The following SMARCD3 variants were observed in gnomAD, a reference collection of about 807,000 sequenced individuals.
The protein encoded by SMARCD3 is SWI/SNF-related matrix-associated actin-dependent regulator of chromatin subfamily D member 3.
A neutral mutation model predicts 58.0 loss-of-function variants in SMARCD3; 14 were observed. That is an observed-to-expected ratio of 0.24 (90% CI 0.16 to 0.38). The LOEUF (loss-of-function observed/expected upper bound fraction) is 0.38, where lower values mean the gene tolerates loss of function less well. Among genes scored for constraint, SMARCD3 ranks in the 10% least tolerant of loss-of-function variants. SMARCD3 has a pLI of 1.00. For missense variants in SMARCD3, 408 were observed against 636.9 expected (o/e 0.64, Z 3.87); for synonymous variants, 253 against 253.8 (o/e 1.00, Z 0.03).
intron 2 of SMARCD3, among the ~76,000 whole-genome samples, chr7:151,267,432 T>A (rs1458881696): frequency 6.6e-6 from 1 of 152,230 alleles, no homozygotes; most frequent in Admixed American, 6.5e-5. Context: ...TGAGTCACTA[T>A]CTGACTGCTC....
At chr7:151,244,628 C>T (rs1243711338) in intron 2 of SMARCD3, among the ~76,000 whole-genome samples, 2 of 152,164 alleles carry the variant, frequency 1.3e-5, no homozygotes, top group Non-Finnish European at 2.9e-5. Flanking sequence ...AGGGAATTAC[C>T]ATTTGCTGTA....
At chr7:151,240,646 A>G (rs1802936458) in intron 8 of SMARCD3, 124 bp from the exon 9 acceptor site, 1 of 494,982 alleles carries the variant, frequency 2.0e-6, no homozygotes, top group African/African-American at 2.0e-5. Context: ...CTCAGTGCGC[A>G]TGGGGATGGG....
Position 151,271,485 on chromosome 7 carries a change from G to A in SMARCD3, c.39+3629C>T, listed in dbSNP as rs538267801. On this transcript the variant is annotated intron_variant, in intron 2 of 13. Transcript: ENST00000356800. ...GGACCTGTGGGGAAAGACCAGGACT[G>A]GTCCCTCCTCATACCCAAACTCACC... is the stretch of plus-strand genomic sequence containing the variant. Among the ~76,000 whole-genome samples, 5 of 152,092 alleles carry A rather than the reference G, an allele frequency of 3.3e-5. No individual in the cohort carries two copies. In the South Asian group the frequency reaches 1.0e-3, roughly 32 times the overall value.
In SMARCD3 at chr7:151,246,433, C is replaced by T. The variant is rs1803269967; in HGVS notation, c.79-762G>A. On this transcript the variant is annotated intron_variant, in intron 1 of 12. Transcript: ENST00000262188. The surrounding 1 kb of genome is among the most constrained non-coding windows in gnomAD (Gnocchi z 4.4). The stretch of plus-strand genomic sequence containing the variant: ...GGGTGAGGGCTGGAGGCAGGGCAGG[C>T]AAGGGCAGCCTGCTGGGGCGCCCCA... Among the ~76,000 whole-genome samples the T allele has an allele frequency of 6.6e-6, 1 of 152,140 alleles. No individual in the cohort carries two copies. Among genetic ancestry groups the T allele is most frequent in the Non-Finnish European group, 1.5e-5 (1 of 68,010 alleles).
intron 2 of SMARCD3, among the ~76,000 whole-genome samples, chr7:151,269,777 G>A (rs959283088): frequency 2.0e-5 from 3 of 152,206 alleles, no homozygotes; most frequent in African/African-American, 4.8e-5. Flanking sequence ...GGCGAGGGGC[G>A]CTCGGTGAAC....
In SMARCD3 at chr7:151,239,889, C is replaced by G. The variant is rs184225452; in HGVS notation, c.1174-143G>C. The G allele has an allele frequency of 9.9e-7, 1 of 1,014,898 alleles. No homozygotes were observed. The highest frequency in any genetic ancestry group is 1.6e-5 in the African/African-American group (1 of 62,380). 62.9% of individuals were successfully genotyped at this position (1,014,898 alleles called of 1,614,324 possible). ...AGAGCCCCTGATTTCTCTGAAGTCCCAGGGGAGGAGGGGATGGGCAGAACT... is the reference window on the plus strand; with the variant it reads ...AGAGCCCCTGATTTCTCTGAAGTCCGAGGGGAGGAGGGGATGGGCAGAACT... On this transcript the variant is annotated intron_variant, in intron 10 of 12. Transcript: ENST00000262188. The surrounding 1 kb of genome is among the most constrained non-coding windows in gnomAD (Gnocchi z 7.0).
intron 2 of SMARCD3, among the ~76,000 whole-genome samples, chr7:151,260,670 T>G (rs1271888519): frequency 6.6e-6 from 1 of 152,152 alleles, no homozygotes; most frequent in Non-Finnish European, 1.5e-5. Flanking sequence ...AACATGTCGT[T>G]ACCCCGACAT....
chr7:151,242,641 T>C lies in SMARCD3; in HGVS notation c.457-38A>G, dbSNP rs768172179. The C allele has an allele frequency of 5.5e-5, 88 of 1,612,094 alleles. No homozygotes were observed. Among genetic ancestry groups the C allele is most frequent in the Non-Finnish European group, 7.1e-5 (84 of 1,178,364 alleles). ...AGTGCAGAACCGGGCGAATGCTGTG[T>C]GCTCCCACCCCGACCACCCTGCTTC... is the stretch of plus-strand genomic sequence containing the variant. On this transcript the variant is annotated intron_variant, in intron 4 of 12. Transcript: ENST00000262188. This position sits in a 1 kb window ranked among gnomAD's most constrained non-coding sequence, Gnocchi z 4.7.
In SMARCD3 at chr7:151,270,008, T is replaced by C. The variant is rs111815585; in HGVS notation, c.39+5106A>G. Among the ~76,000 whole-genome samples, 11 of 152,130 alleles carry C rather than the reference T, an allele frequency of 7.2e-5. 2 individuals are homozygous for C. The highest frequency in any genetic ancestry group is 2.0e-4 in the Admixed American group (3 of 15,292). On this transcript the variant is annotated intron_variant, in intron 2 of 13. Coordinates refer to the SMARCD3 transcript ENST00000356800. ...AGCGCTCCCCAGGGGGCACGAAGGC[T>C]GGGAATATTTGAAAGAGCCAGAGCT...
Position 151,248,494 on chromosome 7 carries a change from G to C in SMARCD3, c.69C>G (p.Val23=), listed in dbSNP as rs769144860. 1.9e-6 allele frequency: 3 copies of C among 1,612,012 alleles called. No homozygotes were observed. The highest frequency in any genetic ancestry group is 2.5e-6 in the Non-Finnish European group (3 of 1,178,714). ...ATKSKLFEFL[V]HGVRPGMPSG... is the part of the protein sequence containing the mutation. The stretch of plus-strand genomic sequence containing the variant: ...ACTTTCCCCCACTCACCACCCCATG[G>C]ACCAGAAACTCAAAAAGTTTGCTTT... The change falls in exon 1 of 13, where the codon GTC becomes GTG. Residue 23 remains valine, a synonymous_variant. Coordinates refer to ENST00000262188, the MANE Select transcript of SMARCD3 (RefSeq NM_001003801.2). This position sits in a 1 kb window ranked among gnomAD's most constrained non-coding sequence, Gnocchi z 6.1.
Position 151,239,879 on chromosome 7 carries a change from T to A in SMARCD3, c.1174-133A>T. ...ACAACCCCTCAGAGCCCCTGATTTC[T>A]CTGAAGTCCCAGGGGAGGAGGGGAT... is the stretch of plus-strand genomic sequence containing the variant. On this transcript the variant is annotated intron_variant, in intron 10 of 12. Transcript: ENST00000262188. This position sits in a 1 kb window ranked among gnomAD's most constrained non-coding sequence, Gnocchi z 7.0. 9.5e-7 allele frequency: 1 copy of A among 1,056,388 alleles called. No homozygotes were observed. Among genetic ancestry groups the A allele is most frequent in the Non-Finnish European group, 1.4e-6 (1 of 728,110 alleles). 65.4% of individuals were successfully genotyped at this position (1,056,388 alleles called of 1,614,324 possible).
In SMARCD3 at chr7:151,241,773, G is replaced by C; in HGVS notation, c.777+104C>G. On this transcript the variant is annotated intron_variant, in intron 7 of 12. Coordinates refer to ENST00000262188, the MANE Select transcript of SMARCD3 (RefSeq NM_001003801.2). This position sits in a 1 kb window ranked among gnomAD's most constrained non-coding sequence, Gnocchi z 5.3. ...GGAAACATGCCCCTGGGGAAGGATA[G>C]GTTTGGGAGGGGAAGGAGGTCTCTC... 7.3e-7 allele frequency: 1 copy of C among 1,378,346 alleles called. No individual in the cohort carries two copies. The highest frequency in any genetic ancestry group is 1.0e-6 in the Non-Finnish European group (1 of 985,484). 85.4% of individuals were successfully genotyped at this position (1,378,346 alleles called of 1,614,324 possible). A position where few individuals can be genotyped will look rare whatever the true frequency, so the allele number is the denominator to read the frequency against.
upstream of SMARCD3, among the ~76,000 whole-genome samples, chr7:151,253,009 C>T (rs1461946495): frequency 2.0e-5 from 3 of 152,210 alleles, no homozygotes; most frequent in Non-Finnish European, 4.4e-5. Context: ...TTGGGCAAGT[C>T]GCTGTACCTC....
At chr7:151,240,303 C>A (rs1410831336) in intron 9 of SMARCD3, 56 bp from the exon 10 acceptor site, 65 of 1,612,490 alleles carry the variant, frequency 4.0e-5, no homozygotes, top group Non-Finnish European at 5.3e-5. Context: ...GCCCCAGGGC[C>A]CCGGGGCTGG....
intron 2 of SMARCD3, among the ~76,000 whole-genome samples, chr7:151,262,692 C>T (rs1008433767): frequency 6.6e-6 from 1 of 152,152 alleles, no homozygotes; most frequent in African/African-American, 2.4e-5. Context: ...GAGGAGGGGC[C>T]CCTAACAGGG....
Position 151,272,474 on chromosome 7 carries a change from G to A in SMARCD3, c.39+2640C>T, listed in dbSNP as rs140849527. Among the ~76,000 whole-genome samples, 34 of 152,246 alleles carry A rather than the reference G, an allele frequency of 2.2e-4. No individual in the cohort carries two copies. In the East Asian group the frequency reaches 5.6e-3, roughly 25 times the overall value. ...CTTCCTCTCCCTCCCTTATGGCACA[G>A]TGTCCCTCACTCTAGGGCATTTTCC... On this transcript the variant is annotated intron_variant, in intron 2 of 13. Coordinates refer to the SMARCD3 transcript ENST00000356800.
upstream of SMARCD3, among the ~76,000 whole-genome samples, chr7:151,251,833 C>G (rs1803523265): frequency 6.6e-6 from 1 of 150,778 alleles, no homozygotes; most frequent in African/African-American, 2.4e-5. Flanking sequence ...GGGAGAGATG[C>G]GCCGCGGCCT....
chr7:151,240,706 T>TA, intron 8 of SMARCD3, 184 bp from the exon 9 acceptor site: 1 of 571,108 alleles, frequency 1.8e-6, no homozygotes, highest in South Asian at 2.0e-5. Flanking sequence ...GCTGACAAGA[T>TA]AGGGGGTGGG....
At chr7:151,240,035 C>T in intron 10 of SMARCD3, 77 bp downstream of exon 10, 1 of 1,496,584 alleles carries the variant, frequency 6.7e-7, no homozygotes, top group Non-Finnish European at 9.2e-7. Flanking sequence ...CATCTGCAAC[C>T]ACACCCTGGT....
Sources: gnomAD v4.1 joint callset for allele counts (sites outside exome capture counted in the v4.1 genomes callset) on GRCh38, gnomAD v4.1.1 for gene constraint, Gnocchi (gnomAD v3.1) non-coding constraint, MANE v1.5 for transcripts, NCBI Gene and HGNC (gene_info 2026-07-23, HGNC 2026-07-21) for gene names.